The following ZNF431 variants were observed in gnomAD, a reference collection of about 807,000 sequenced individuals.
ZNF431 encodes zinc finger protein 431.
A neutral mutation model predicts 57.0 loss-of-function variants in ZNF431; 34 were observed. That is an observed-to-expected ratio of 0.60 (90% confidence interval 0.45 to 0.79). ZNF431 has a LOEUF of 0.79. Ranked by LOEUF, ZNF431 falls within the 30% of genes least tolerant of loss-of-function variation. The pLI is 0.00. For synonymous variants in ZNF431, 207 were observed against 220.3 expected (o/e 0.94, Z 0.54); for missense variants, 607 against 667.1 (o/e 0.91, Z 0.99).
At chr19:21,152,847 A>T (rs897986135) in intron 2 of ZNF431, among the ~76,000 whole-genome samples, 4 of 152,162 alleles carry the variant, frequency 2.6e-5, no homozygotes, top group Non-Finnish European at 5.9e-5. Context: ...TGTGGTTACC[A>T]GAAAGATGTT....
intron 2 of ZNF431, chr19:21,150,299 G>T: frequency 2.2e-6 from 1 of 461,696 alleles, no homozygotes; most frequent in Non-Finnish European, 4.1e-6. Flanking sequence ...GTCCCTTTTG[G>T]GCTGGATGTC....
rs150031247 is a variant in ZNF431 at position 21,174,639 on chromosome 19, C to G, written c.319+6973C>G. 7.0e-4 allele frequency among the ~76,000 whole-genome samples: 106 copies of G among 152,272 alleles called. 1 individual carries two copies. The highest frequency in any genetic ancestry group is 2.2e-3 in the African/African-American group (93 of 41,534). On this transcript the variant is annotated intron_variant, in intron 4 of 4. Transcript: ENST00000311048. ...TAGATTTTTTCAGTTCTGTTACTTT[C>G]AACCTATTTGACTCAATGCTAAAAT...
Position 21,191,086 on chromosome 19 carries a change from T to A in ZNF431, c.*7052T>A, listed in dbSNP as rs779363131. On this transcript the variant is annotated 3_prime_UTR_variant, in exon 5 of 5. Coordinates refer to ENST00000311048, the MANE Select transcript of ZNF431 (RefSeq NM_133473.4). ...TCACATTCTGTTGATTGTATCAGATTTTGTCCAGCAGCTTTTTAATTTGAA... is the reference window on the plus strand; with the variant it reads ...TCACATTCTGTTGATTGTATCAGATATTGTCCAGCAGCTTTTTAATTTGAA... The A allele has an allele frequency of 6.6e-6, 1 of 152,214 alleles. No individual in the cohort carries two copies. Among genetic ancestry groups the A allele is most frequent in the Non-Finnish European group, 1.5e-5 (1 of 68,038 alleles). 9.4% of individuals were successfully genotyped at this position (152,214 alleles called of 1,614,324 possible).
intron 4 of ZNF431, among the ~76,000 whole-genome samples, chr19:21,174,634 A>T (rs1970999086): frequency 6.6e-6 from 1 of 152,174 alleles, no homozygotes; most frequent in South Asian, 2.1e-4. Context: ...CAGTTCTGTT[A>T]CTTTCAACCT....
chr19:21,191,612 CTGCATGTGGA>C lies in ZNF431; in HGVS notation c.*7580_*7589del, dbSNP rs1971511846. The C allele has an allele frequency of 6.6e-6, 1 of 152,180 alleles. No individual in the cohort carries two copies. The highest frequency in any genetic ancestry group is 2.4e-5 in the African/African-American group (1 of 41,442). 9.4% of individuals were successfully genotyped at this position (152,180 alleles called of 1,614,324 possible). On this transcript the variant is annotated 3_prime_UTR_variant, in exon 5 of 5. Coordinates refer to ENST00000311048, the MANE Select transcript of ZNF431 (RefSeq NM_133473.4). ...GAGATGAGGGTCTCAATTTTTATCTCTGCATGTGGATATAAAGTTTTCTTAATTGAAGATT... is the reference window on the plus strand; with the variant it reads ...GAGATGAGGGTCTCAATTTTTATCTCTATAAAGTTTTCTTAATTGAAGATT...
chr19:21,145,337 G>A (rs1344312874), intron 2 of ZNF431, among the ~76,000 whole-genome samples: 1 of 152,172 alleles, frequency 6.6e-6, no homozygotes, highest in Non-Finnish European at 1.5e-5. Flanking sequence ...TTAGCCAGGC[G>A]TAGTGGTGGG....
intron 2 of ZNF431, among the ~76,000 whole-genome samples, chr19:21,159,959 A>G (rs1176681732): frequency 1.4e-5 from 2 of 143,760 alleles, no homozygotes; most frequent in African/African-American, 5.1e-5. Flanking sequence ...TGAACTCTCT[A>G]CTTATATTCA....
At chr19:21,177,039 A>G (rs1347269356) in intron 4 of ZNF431, among the ~76,000 whole-genome samples, 1 of 152,156 alleles carries the variant, frequency 6.6e-6, no homozygotes, top group Non-Finnish European at 1.5e-5. Flanking sequence ...GTTTAATTAG[A>G]TCCCATTTGT....
chr19:21,147,578 A>G (rs1419086619), intron 2 of ZNF431, among the ~76,000 whole-genome samples: 3 of 146,770 alleles, frequency 2.0e-5, no homozygotes, highest in Non-Finnish European at 1.5e-5. Context: ...GATTGTCTGG[A>G]TGGCAAAGTC....
At position 21,195,845 on chromosome 19, in the gene ZNF431, A is replaced by G. The variant is rs1971596198; in HGVS notation, c.*11811A>G. 6.6e-6 allele frequency: 1 copy of G among 152,208 alleles called. No homozygotes were observed. Among genetic ancestry groups the G allele is most frequent in the African/African-American group, 2.4e-5 (1 of 41,446 alleles). The allele number at this position is 152,208 out of a possible 1,614,324, so 9.4% of individuals were successfully genotyped here. On this transcript the variant is annotated 3_prime_UTR_variant, in exon 5 of 5. Coordinates refer to ENST00000311048, the MANE Select transcript of ZNF431 (RefSeq NM_133473.4). Reference sequence around the variant, plus strand: ...ACATCTTTGGATAATCTGTAATTAAATTGATCTTTTGTAATGGTGATAGTG... The same window carrying G: ...ACATCTTTGGATAATCTGTAATTAAGTTGATCTTTTGTAATGGTGATAGTG...
At chr19:21,171,714 T>TA (rs1568309017) in intron 4 of ZNF431, among the ~76,000 whole-genome samples, 162 of 5,676 alleles carry the variant, frequency 0.029, no homozygotes, top group African/African-American at 0.063. Flanking sequence ...ATATATATAT[T>TA]TTTTTTTTTT....
At chr19:21,156,219 C>T (rs1013721311) in intron 2 of ZNF431, among the ~76,000 whole-genome samples, 12 of 152,248 alleles carry the variant, frequency 7.9e-5, no homozygotes, top group Non-Finnish European at 1.5e-4. Context: ...TTTTCCCCAC[C>T]AAGCTAGGGT....
intron 4 of ZNF431, chr19:21,169,959 T>C: frequency 2.5e-6 from 1 of 397,720 alleles, no homozygotes. Flanking sequence ...TCTCTTAGAC[T>C]GTAACTGGGA....
chr19:21,167,450 C>T (rs1970753845), intron 3 of ZNF431, 121 bp from the exon 4 acceptor site: 4 of 663,220 alleles, frequency 6.0e-6, no homozygotes, highest in South Asian at 8.3e-5. Flanking sequence ...TGAGCAACTG[C>T]GCCCAGCCTT....
rs372989628 is a variant in ZNF431 at position 21,159,460 on chromosome 19, C to T, written c.97-6875C>T. ...CGATCTTGGCTTACCACAACCTCCA[C>T]CTCCCGAGCTCAAGTGATTCGCCTG... On this transcript the variant is annotated intron_variant, in intron 2 of 4. Coordinates refer to ENST00000311048, the MANE Select transcript of ZNF431 (RefSeq NM_133473.4). Among the ~76,000 whole-genome samples, 13 of 152,284 alleles carry T rather than the reference C, an allele frequency of 8.5e-5. No individual in the cohort carries two copies. The East Asian group carries it at 2.3e-3, about 27-fold the overall frequency.
rs769582273 is a variant in ZNF431 at position 21,195,088 on chromosome 19, A to C, written c.*11054A>C. 6.6e-6 allele frequency: 1 copy of C among 152,170 alleles called. No homozygotes were observed. The highest frequency in any genetic ancestry group is 1.5e-5 in the Non-Finnish European group (1 of 68,038). 9.4% of individuals were successfully genotyped at this position (152,170 alleles called of 1,614,324 possible). A position where few individuals can be genotyped will look rare whatever the true frequency, so the allele number is the denominator to read the frequency against. On this transcript the variant is annotated 3_prime_UTR_variant, in exon 5 of 5. Transcript: ENST00000311048. Reference sequence around the variant, plus strand: ...GGCTCATGAGAGCTGCCTGACAAAAAGCGTGTAAACAACAGTGATTGCTCC... The same window carrying C: ...GGCTCATGAGAGCTGCCTGACAAAACGCGTGTAAACAACAGTGATTGCTCC...
chr19:21,194,578 C>T lies in ZNF431; in HGVS notation c.*10544C>T, dbSNP rs990472901. ...CCACCTCCTGGGTTCAAGTGAGTCT[C>T]CTACCTCAGCCTCCCAAGTAGCTGG... On this transcript the variant is annotated 3_prime_UTR_variant, in exon 5 of 5. Transcript: ENST00000311048. 1 of 151,788 alleles carries T rather than the reference C, an allele frequency of 6.6e-6. No homozygotes were observed. Among genetic ancestry groups the T allele is most frequent in the African/African-American group, 2.4e-5 (1 of 41,286 alleles). 9.4% of individuals were successfully genotyped at this position (151,788 alleles called of 1,614,324 possible).
intron 4 of ZNF431, among the ~76,000 whole-genome samples, chr19:21,182,033 G>A (rs1245859034): frequency 6.6e-6 from 1 of 152,074 alleles, no homozygotes; most frequent in East Asian, 1.9e-4. Flanking sequence ...TTAGTTAAAG[G>A]AGTTTCTGTT....
chr19:21,194,002 G>A lies in ZNF431; in HGVS notation c.*9968G>A, dbSNP rs549872936. On this transcript the variant is annotated 3_prime_UTR_variant, in exon 5 of 5. Transcript: ENST00000311048. ...AAACAATTCTATTTAACATAGTTCTGGAAGTGCTGGATAAATCTAACAAAA... is the reference window on the plus strand; with the variant it reads ...AAACAATTCTATTTAACATAGTTCTAGAAGTGCTGGATAAATCTAACAAAA... 6.9e-6 allele frequency: 1 copy of A among 145,972 alleles called. No homozygotes were observed. The highest frequency in any genetic ancestry group is 2.5e-5 in the African/African-American group (1 of 39,860). The allele number at this position is 145,972 out of a possible 1,614,324, so 9.0% of individuals were successfully genotyped here.
Sources: allele counts gnomAD v4.1 joint callset (sites outside exome capture counted in the v4.1 genomes callset), GRCh38; gene constraint gnomAD v4.1.1; transcripts MANE v1.5; gene names NCBI Gene and HGNC (gene_info 2026-07-23, HGNC 2026-07-21).